Variants in MPPED1 observed in about 807,000 individuals in gnomAD.
MPPED1 encodes the protein metallophosphoesterase domain containing 1.
Under a neutral mutation model 36.2 loss-of-function variants are expected in MPPED1, and 16 were observed. The observed-to-expected ratio is 0.44, with a 90% confidence interval of 0.30 to 0.67. The LOEUF is 0.67. MPPED1 is among the 30% of genes least tolerant of loss of function. The probability of loss-of-function intolerance (pLI) is 0.10; values close to 1 mark genes in which losing one functional copy is unlikely to be tolerated. For synonymous variants in MPPED1, 199 were observed against 191.3 expected (o/e 1.04, Z -0.33); for missense variants, 307 against 453.4 (o/e 0.68, Z 2.93).
At chr22:43,427,220 G>A (rs1929509076) in intron 2 of MPPED1, among the ~76,000 whole-genome samples, 1 of 152,208 alleles carries the variant, frequency 6.6e-6, no homozygotes, top group African/African-American at 2.4e-5. Flanking sequence ...GGAGCTCCTA[G>A]TCAGAGAACT....
intron 3 of MPPED1, among the ~76,000 whole-genome samples, chr22:43,447,756 T>G (rs135051): frequency 0.95 from 140,800 of 147,548 alleles, 67,231 homozygotes; most frequent in East Asian, 1. Flanking sequence ...GCTCCCAGGG[T>G]ATGCCCCTTC....
At chr22:43,449,422 A>AAC (rs1930479680) in intron 3 of MPPED1, among the ~76,000 whole-genome samples, 1 of 127,332 alleles carries the variant, frequency 7.9e-6, no homozygotes, top group Non-Finnish European at 1.6e-5. Flanking sequence ...GACAGTGCCA[A>AAC]CCCCCCCCGC....
intron 4 of MPPED1, among the ~76,000 whole-genome samples, chr22:43,481,963 T>C (rs1931761988): frequency 6.6e-6 from 1 of 152,184 alleles, no homozygotes; most frequent in South Asian, 2.1e-4. Flanking sequence ...GTGTTTGTGC[T>C]GCCCCCTCCC....
At chr22:43,487,168 G>C (rs1602007503) in intron 4 of MPPED1, among the ~76,000 whole-genome samples, 1 of 152,306 alleles carries the variant, frequency 6.6e-6, no homozygotes, top group South Asian at 2.1e-4. Context: ...ATGGACCTCA[G>C]TCAGGGTGGA....
At chr22:43,438,085 G>T (rs1194431808) in intron 3 of MPPED1, among the ~76,000 whole-genome samples, 2 of 152,204 alleles carry the variant, frequency 1.3e-5, no homozygotes, top group Admixed American at 6.5e-5. Flanking sequence ...CAAGCCCTGG[G>T]GTAACAGTAG....
intron 2 of MPPED1, among the ~76,000 whole-genome samples, chr22:43,429,505 T>A (rs1472049027): frequency 6.6e-6 from 1 of 152,250 alleles, no homozygotes; most frequent in Admixed American, 6.5e-5. Flanking sequence ...TTTTGCCCTG[T>A]GAGCACTGAC....
chr22:43,458,390 A>G (rs1930828984), intron 3 of MPPED1, among the ~76,000 whole-genome samples: 3 of 151,364 alleles, frequency 2.0e-5, no homozygotes, highest in Admixed American at 1.3e-4. Flanking sequence ...GGTTCAAGTG[A>G]TTCTCCTGCC....
At chr22:43,447,856 A>G (rs1479560455) in intron 3 of MPPED1, among the ~76,000 whole-genome samples, 2 of 50,234 alleles carry the variant, frequency 4.0e-5, no homozygotes, top group Admixed American at 6.9e-4. Context: ...ATATATGTAA[A>G]TATTATATAT....
At chr22:43,432,388 GAGAGAAACGGAGGAGAGAGAGAT>G (rs1413901469) in intron 2 of MPPED1, among the ~76,000 whole-genome samples, 5 of 138,896 alleles carry the variant, frequency 3.6e-5, no homozygotes, top group African/African-American at 1.1e-4. Flanking sequence ...GGAGGAGAGA[GAGAGAAACGGAGGAGAGAGAGAT>G]AAAGGGAGGA....
chr22:43,419,571 T>C (rs777635045), intron 1 of MPPED1, among the ~76,000 whole-genome samples: 5 of 70,668 alleles, frequency 7.1e-5, no homozygotes, highest in African/African-American at 2.1e-4. Context: ...TGAGCTGACC[T>C]GAGGTGCTGA....
chr22:43,466,031 G>A lies in MPPED1; in HGVS notation c.407-8705G>A, dbSNP rs1022719907. 2.6e-5 allele frequency among the ~76,000 whole-genome samples: 4 copies of A among 152,164 alleles called. No individual in the cohort carries two copies. The East Asian group carries it at 5.8e-4, about 22-fold the overall frequency. ...TTGGGGGAAAACACAGAAAACTTTC[G>A]GCCTGAAGTCATATGTGCTCTGCAG... On this transcript the variant is annotated intron_variant, in intron 3 of 6. Transcript: ENST00000443721.
At chr22:43,455,726 T>C (rs1380904625) in intron 3 of MPPED1, among the ~76,000 whole-genome samples, 6 of 152,244 alleles carry the variant, frequency 3.9e-5, no homozygotes, top group Non-Finnish European at 8.8e-5. Flanking sequence ...TTCTCCATGT[T>C]GAATGATCAG....
intron 3 of MPPED1, among the ~76,000 whole-genome samples, chr22:43,470,837 C>T (rs1056636931): frequency 3.3e-5 from 5 of 152,226 alleles, no homozygotes; most frequent in East Asian, 1.9e-4. Context: ...AGGTGGACAC[C>T]CACAGGCATT....
At chr22:43,491,409 G>A (rs1489510495) in intron 4 of MPPED1, among the ~76,000 whole-genome samples, 9 of 151,724 alleles carry the variant, frequency 5.9e-5, no homozygotes, top group Admixed American at 5.9e-4. Flanking sequence ...GGTGATGATG[G>A]TGGAGGTGAT....
At chr22:43,456,732 A>G (rs547341985) in intron 3 of MPPED1, among the ~76,000 whole-genome samples, 24 of 152,018 alleles carry the variant, frequency 1.6e-4, no homozygotes, top group Non-Finnish European at 2.9e-4. Flanking sequence ...CTGGCCTCAA[A>G]TGATCCATCC....
At chr22:43,497,026 A>AG (rs1932428156) in intron 4 of MPPED1, among the ~76,000 whole-genome samples, 1 of 20,182 alleles carries the variant, frequency 5.0e-5, no homozygotes, top group African/African-American at 2.2e-4. Context: ...TGGTGGTGGA[A>AG]GTGGTGGTGG....
intron 3 of MPPED1, among the ~76,000 whole-genome samples, chr22:43,463,823 C>CTTTCT (rs1931050108): frequency 1.3e-5 from 1 of 77,866 alleles, no homozygotes; most frequent in Non-Finnish European, 2.8e-5. Context: ...TTCTTTCTTT[C>CTTTCT]TTTCTTTCTT....
intron 4 of MPPED1, among the ~76,000 whole-genome samples, chr22:43,495,076 A>G (rs1932216752): frequency 6.6e-6 from 1 of 151,892 alleles, no homozygotes; most frequent in Admixed American, 6.6e-5. Flanking sequence ...GGGGGGATGC[A>G]AACATTTAGA....
chr22:43,434,328 T>C (rs561241137), intron 2 of MPPED1, among the ~76,000 whole-genome samples: 19 of 152,276 alleles, frequency 1.2e-4, no homozygotes, highest in African/African-American at 4.3e-4. Context: ...TTTTGAGAAA[T>C]GGACTCCTTT....
Sources: allele counts gnomAD v4.1 joint callset (sites outside exome capture counted in the v4.1 genomes callset), GRCh38; gene constraint gnomAD v4.1.1; transcripts MANE v1.5; gene names NCBI Gene and HGNC (gene_info 2026-07-23, HGNC 2026-07-21).